SLC23A1: variants seen among roughly 807,000 people sequenced by gnomAD.
SLC23A1 encodes the protein solute carrier family 23 member 1.
Under a neutral mutation model 62.5 loss-of-function variants are expected in SLC23A1, and 31 were observed. The observed-to-expected ratio is 0.50, with a 90% CI of 0.37 to 0.67. The LOEUF is 0.67. Ranked by LOEUF, SLC23A1 falls within the 30% of genes least tolerant of loss-of-function variation. The probability of loss-of-function intolerance (pLI) is 0.00; values close to 1 mark genes in which losing one functional copy is unlikely to be tolerated. For synonymous variants in SLC23A1, 271 were observed against 313.2 expected (o/e 0.87, Z 1.42); for missense variants, 640 against 782.7 (o/e 0.82, Z 2.18).
At chr5:139,382,136 C>G (rs1032606523) in intron 2 of SLC23A1, 87 bp from the exon 3 acceptor site, 4 of 1,373,070 alleles carry the variant, frequency 2.9e-6, no homozygotes, top group South Asian at 1.4e-5. Flanking sequence ...ATGCCTGCCT[C>G]AGCGGGCCTG....
chr5:139,370,422 C>T (rs528036813), intron 14 of SLC23A1, among the ~76,000 whole-genome samples: 6 of 152,120 alleles, frequency 3.9e-5, no homozygotes, highest in African/African-American at 1.2e-4. Context: ...CCACCTGCCT[C>T]GGCCTCCCAA....
Position 139,379,510 on chromosome 5 carries a change from G to T in SLC23A1, c.926-156C>A. On this transcript the variant is annotated intron_variant, in intron 8 of 14. Transcript: ENST00000348729. The surrounding 1 kb of genome is among the most constrained non-coding windows in gnomAD (Gnocchi z 4.7). The stretch of plus-strand genomic sequence containing the variant: ...TGGGAGCTTATTTGAGTCACTCAGA[G>T]CCAGGAAGTGGGACTGAAGCTTTGT... 9.8e-7 allele frequency: 1 copy of T among 1,016,862 alleles called. No homozygotes were observed. The highest frequency in any genetic ancestry group is 1.5e-6 in the Non-Finnish European group (1 of 660,006). 63.0% of individuals were successfully genotyped at this position (1,016,862 alleles called of 1,614,324 possible).
At chr5:139,382,465 A>T in intron 2 of SLC23A1, 27 bp downstream of exon 2, 1 of 1,327,860 alleles carries the variant, frequency 7.5e-7, no homozygotes, top group Non-Finnish European at 1.1e-6. Context: ...GTGCAGAGTG[A>T]GGGCGGGGAG....
Position 139,381,946 on chromosome 5 carries a change from G to A in SLC23A1, c.254C>T (p.Thr85Ile), listed in dbSNP as rs1206791272. 1.3e-6 allele frequency: 2 copies of A among 1,586,782 alleles called. No individual in the cohort carries two copies. The highest frequency in any genetic ancestry group is 2.7e-5 in the African/African-American group (2 of 74,306). Residue 85 changes from threonine to isoleucine, a missense_variant, in exon 3 of 15, where the codon ACC (threonine) becomes ATC (isoleucine). Physicochemically the swap from Thr to Ile is moderately conservative, Grantham distance 89. Transcript: ENST00000348729. ...DQHMVSQLIG[T>I]IFTCVGITTL... ...GGTGATGCCCACGCACGTGAAGATG[G>A]TGCCGATGAGCTGACTAACCATGTG...
chr5:139,369,421 G>C (rs1757511075), intron 14 of SLC23A1: 1 of 152,678 alleles, frequency 6.5e-6, no homozygotes. Flanking sequence ...GGGATTCACT[G>C]CATCATAGCT....
Position 139,381,920 on chromosome 5 carries a change from T to C in SLC23A1, c.280A>G (p.Thr94Ala). Residue 94 changes from threonine to alanine, a missense_variant, in exon 3 of 15, where the codon ACT becomes GCT. Physicochemically the swap from Thr to Ala is moderately conservative, Grantham distance 58. Coordinates refer to ENST00000348729, the MANE Select transcript of SLC23A1 (RefSeq NM_005847.5). ...GTIFTCVGITTLIQTTVGIRL... is the reference protein window; with the variant it reads ...GTIFTCVGITALIQTTVGIRL... ...ATGCCCACGGTGGTCTGGATGAGAGTGGTGATGCCCACGCACGTGAAGATG... is the reference window on the plus strand; with the variant it reads ...ATGCCCACGGTGGTCTGGATGAGAGCGGTGATGCCCACGCACGTGAAGATG... The C allele has an allele frequency of 6.4e-7, 1 of 1,570,470 alleles. No individual in the cohort carries two copies. The highest frequency in any genetic ancestry group is 8.6e-7 in the Non-Finnish European group (1 of 1,159,320).
At chr5:139,376,765 C>G (rs1389681475) in intron 13 of SLC23A1, among the ~76,000 whole-genome samples, 1 of 152,192 alleles carries the variant, frequency 6.6e-6, no homozygotes, top group African/African-American at 2.4e-5. Context: ...CAAACTGATG[C>G]TGCATTTATC....
chr5:139,379,193 G>C lies in SLC23A1; in HGVS notation c.1073+14C>G, dbSNP rs780058814. 6.2e-7 allele frequency: 1 copy of C among 1,613,748 alleles called. No individual in the cohort carries two copies. The highest frequency in any genetic ancestry group is 2.2e-5 in the East Asian group (1 of 44,868). On this transcript the variant is annotated intron_variant, in intron 9 of 14. Transcript: ENST00000348729. The surrounding 1 kb of genome is among the most constrained non-coding windows in gnomAD (Gnocchi z 4.7). ...CCTGAGGAGATCAGATACTGAGGAG[G>C]GCAGGTAGGCTACCTGTTGATAGCA...
rs756588324 is a variant in SLC23A1, at chr5:139,380,785, G to C, written c.397+13C>G. On this transcript the variant is annotated intron_variant, in intron 4 of 14. Coordinates refer to ENST00000348729, the MANE Select transcript of SLC23A1 (RefSeq NM_005847.5). ...CCCCTTTTCCCCAGTGCAGACCCCA[G>C]AAGTGTACCCACCTTCCGGGGGGCA... 1 of 1,550,262 alleles carries C rather than the reference G, an allele frequency of 6.5e-7. No individual in the cohort carries two copies. The highest frequency in any genetic ancestry group is 8.8e-7 in the Non-Finnish European group (1 of 1,136,546).
Position 139,378,487 on chromosome 5 carries a change from G to C in SLC23A1, c.1179+92C>G, listed in dbSNP as rs34686550. ...GCGGGGGCGAGGCCTCTCAAAGACA[G>C]GGTGGGGCTAAACCAAAGTGGGGAC... is the stretch of plus-strand genomic sequence containing the variant. On this transcript the variant is annotated intron_variant, in intron 10 of 14. Coordinates refer to ENST00000348729, the MANE Select transcript of SLC23A1 (RefSeq NM_005847.5). The surrounding 1 kb of genome is among the most constrained non-coding windows in gnomAD (Gnocchi z 4.5). 3,678 of 1,430,862 alleles carry C rather than the reference G, an allele frequency of 2.6e-3. 54 individuals are homozygous for C. In the African/African-American group the frequency reaches 0.043, roughly 17 times the overall value. 88.6% of individuals were successfully genotyped at this position (1,430,862 alleles called of 1,614,324 possible).
chr5:139,378,628 T>C lies in SLC23A1; in HGVS notation c.1130A>G (p.Asn377Ser). The C allele has an allele frequency of 6.2e-7, 1 of 1,612,422 alleles. No individual in the cohort carries two copies. The highest frequency in any genetic ancestry group is 8.5e-7 in the Non-Finnish European group (1 of 1,179,404). The change falls in exon 10 of 15, where the codon AAC (asparagine) becomes AGC (serine). Residue 377 changes from asparagine to serine, a missense_variant. Physicochemically the swap from Asn to Ser is conservative, Grantham distance 46. Transcript: ENST00000348729. The surrounding 1 kb of genome is among the most constrained non-coding windows in gnomAD (Gnocchi z 4.5). ...GTTGGGACTGGACGAGGTGGACCCG[T>C]TGCCCGTGCCCAATAGCCCCGCGAT... is the stretch of plus-strand genomic sequence containing the variant. Reference protein sequence around the residue: ...CIIAGLLGTGNGSTSSSPNIG... With the variant: ...CIIAGLLGTGSGSTSSSPNIG...
At position 139,378,460 on chromosome 5, in the gene SLC23A1, A is replaced by G; in HGVS notation, c.1180-109T>C. On this transcript the variant is annotated intron_variant, in intron 10 of 14. Transcript: ENST00000348729. This position sits in a 1 kb window ranked among gnomAD's most constrained non-coding sequence, Gnocchi z 4.5. ...CGAGGCATAAACCGGCTGGGGCTTG[A>G]TGCGGGGGCGAGGCCTCTCAAAGAC... The G allele has an allele frequency of 6.9e-7, 1 of 1,454,546 alleles. No individual in the cohort carries two copies. The highest frequency in any genetic ancestry group is 9.4e-7 in the Non-Finnish European group (1 of 1,067,582). 90.1% of individuals were successfully genotyped at this position (1,454,546 alleles called of 1,614,324 possible).
At chr5:139,373,548 A>C (rs1357097119) in intron 13 of SLC23A1, among the ~76,000 whole-genome samples, 1 of 151,904 alleles carries the variant, frequency 6.6e-6, no homozygotes, top group Non-Finnish European at 1.5e-5. Flanking sequence ...GGTTTTCACA[A>C]GAGGGCTGGG....
At position 139,380,081 on chromosome 5, in the gene SLC23A1, G is replaced by C. The variant is rs1469237033; in HGVS notation, c.648-5C>G. 3 of 1,606,000 alleles carry C rather than the reference G, an allele frequency of 1.9e-6. No homozygotes were observed. The highest frequency in any genetic ancestry group is 2.6e-6 in the Non-Finnish European group (3 of 1,176,130). The stretch of plus-strand genomic sequence containing the variant: ...AGGATGATCAGGAGAATGGAGCTGG[G>C]GGCAGAGGCACAATCAGGAAGTGGA... On this transcript the variant is annotated splice_region_variant and splice_polypyrimidine_tract_variant and intron_variant, in intron 6 of 14. Coordinates refer to ENST00000348729, the MANE Select transcript of SLC23A1 (RefSeq NM_005847.5).
rs1758062398 is a variant in SLC23A1 at position 139,378,469 on chromosome 5, C to T, written c.1179+110G>A. The T allele has an allele frequency of 1.4e-6, 2 of 1,444,410 alleles. No individual in the cohort carries two copies. Among genetic ancestry groups the T allele is most frequent in the South Asian group, 2.5e-5 (2 of 79,324 alleles). 89.5% of individuals were successfully genotyped at this position (1,444,410 alleles called of 1,614,324 possible). A position where few individuals can be genotyped will look rare whatever the true frequency, so the allele number is the denominator to read the frequency against. ...AACCGGCTGGGGCTTGATGCGGGGG[C>T]GAGGCCTCTCAAAGACAGGGTGGGG... On this transcript the variant is annotated intron_variant, in intron 10 of 14. Coordinates refer to ENST00000348729, the MANE Select transcript of SLC23A1 (RefSeq NM_005847.5). This position sits in a 1 kb window ranked among gnomAD's most constrained non-coding sequence, Gnocchi z 4.5.
intron 14 of SLC23A1, among the ~76,000 whole-genome samples, chr5:139,371,657 G>A (rs1017297182): frequency 2.0e-5 from 3 of 152,242 alleles, no homozygotes; most frequent in Admixed American, 6.5e-5. Context: ...GTACAAGAAT[G>A]AGGCTGCCAG....
upstream of SLC23A1, chr5:139,383,444 C>T (rs1006585018): frequency 7.8e-5 from 99 of 1,263,950 alleles, no homozygotes; most frequent in Non-Finnish European, 9.4e-5. Flanking sequence ...CAGTAAAAGC[C>T]ACCCAAGCCT....
intron 14 of SLC23A1, chr5:139,369,109 A>T: frequency 4.7e-6 from 1 of 212,138 alleles, no homozygotes; most frequent in Non-Finnish European, 9.3e-6. Context: ...TTTTGAGGCT[A>T]ATCTATCACT....
intron 13 of SLC23A1, among the ~76,000 whole-genome samples, chr5:139,373,733 CTGTT>C (rs1016242344): frequency 9.9e-5 from 15 of 151,978 alleles, no homozygotes; most frequent in African/African-American, 1.5e-4. Context: ...GGAAGAGACA[CTGTT>C]TGGGCTTGGC....
Sources: allele counts gnomAD v4.1 joint callset (sites outside exome capture counted in the v4.1 genomes callset), GRCh38; gene constraint gnomAD v4.1.1; non-coding constraint Gnocchi (gnomAD v3.1); transcripts MANE v1.5; gene names NCBI Gene and HGNC (gene_info 2026-07-23, HGNC 2026-07-21).